The following CATSPERE variants were observed in gnomAD, a reference collection of about 807,000 sequenced individuals.
CATSPERE encodes cation channel sperm-associated auxiliary subunit epsilon.
Under a neutral mutation model 114.1 loss-of-function variants are expected in CATSPERE, and 93 were observed. That is an observed-to-expected ratio of 0.81 (90% CI 0.69 to 0.97). The LOEUF (loss-of-function observed/expected upper bound fraction) is 0.97. Among genes scored for constraint, CATSPERE ranks in the 50% least tolerant of loss-of-function variants. The probability of loss-of-function intolerance (pLI) is 0.00; values close to 1 mark genes in which losing one functional copy is unlikely to be tolerated. For missense variants in CATSPERE, 1,058 were observed against 1,131.6 expected, an observed-to-expected ratio of 0.93 and a Z score of 0.93; for synonymous variants, 341 against 384.1, an observed-to-expected ratio of 0.89 and a Z score of 1.31.
intron 20 of CATSPERE, among the ~76,000 whole-genome samples, chr1:244,625,162 A>C (rs1672938438): frequency 6.6e-6 from 1 of 151,768 alleles, no homozygotes; most frequent in Admixed American, 6.6e-5. Flanking sequence ...CATGGCAGCT[A>C]TAGCCTTATG....
At chr1:244,583,769 C>A in intron 12 of CATSPERE, 95 bp from the exon 13 acceptor site, 1 of 1,098,974 alleles carries the variant, frequency 9.1e-7, no homozygotes, top group Non-Finnish European at 1.3e-6. Flanking sequence ...GTCAATCACA[C>A]CGTGCACATG....
At chr1:244,512,366 C>T (rs1395434288) in intron 7 of CATSPERE, among the ~76,000 whole-genome samples, 1 of 152,114 alleles carries the variant, frequency 6.6e-6, no homozygotes, top group Non-Finnish European at 1.5e-5. Context: ...TTGAATTCTT[C>T]AGTTCCAAGA....
intron 19 of CATSPERE, among the ~76,000 whole-genome samples, chr1:244,616,203 C>T (rs1671378094): frequency 1.3e-5 from 2 of 152,070 alleles, no homozygotes; most frequent in Admixed American, 1.3e-4. Context: ...ACTGAGGATA[C>T]AGCAGTAAGC....
At chr1:244,484,677 T>C (rs941054703) in intron 5 of CATSPERE, among the ~76,000 whole-genome samples, 65 of 152,232 alleles carry the variant, frequency 4.3e-4, no homozygotes, top group Non-Finnish European at 7.9e-4. Flanking sequence ...ATCCTTCATA[T>C]TGGACATTTT....
chr1:244,622,528 C>T (rs1026253623), intron 20 of CATSPERE, among the ~76,000 whole-genome samples: 5 of 151,862 alleles, frequency 3.3e-5, no homozygotes, highest in African/African-American at 9.7e-5. Context: ...CTCAGCCTCC[C>T]GTGTAGCTGG....
intron 9 of CATSPERE, among the ~76,000 whole-genome samples, chr1:244,559,512 A>C (rs1662216412): frequency 6.6e-6 from 1 of 152,188 alleles, no homozygotes; most frequent in Non-Finnish European, 1.5e-5. Flanking sequence ...CAGTGGGGAG[A>C]GGAGGCAGAG....
intron 20 of CATSPERE, among the ~76,000 whole-genome samples, chr1:244,625,432 A>ATTTGTTTTTTT (rs1673049367): frequency 2.5e-4 from 1 of 3,976 alleles, no homozygotes; most frequent in African/African-American, 7.0e-4. Flanking sequence ...ATATATATAT[A>ATTTGTTTTTTT]TTTTTTTTTT....
At chr1:244,463,596 T>A (rs768664516) in intron 1 of CATSPERE, among the ~76,000 whole-genome samples, 1 of 151,964 alleles carries the variant, frequency 6.6e-6, no homozygotes, top group Non-Finnish European at 1.5e-5. Context: ...ACTTTAACTC[T>A]TTATAAGTGA....
At chr1:244,467,236 G>A (rs969380148) in intron 2 of CATSPERE, among the ~76,000 whole-genome samples, 1 of 152,084 alleles carries the variant, frequency 6.6e-6, no homozygotes, top group Admixed American at 6.6e-5. Context: ...AGATGGTTTT[G>A]TGTGGGAATT....
intron 2 of CATSPERE, among the ~76,000 whole-genome samples, chr1:244,473,026 G>T (rs1396312773): frequency 6.6e-6 from 1 of 152,192 alleles, no homozygotes; most frequent in Non-Finnish European, 1.5e-5. Flanking sequence ...TTCACCTAGT[G>T]AAAGATATCC....
At chr1:244,497,931 C>A (rs1286089853) in intron 6 of CATSPERE, among the ~76,000 whole-genome samples, 1 of 152,150 alleles carries the variant, frequency 6.6e-6, no homozygotes, top group African/African-American at 2.4e-5. Flanking sequence ...TCATACATCA[C>A]CACTGAGAGG....
intron 7 of CATSPERE, among the ~76,000 whole-genome samples, chr1:244,507,587 T>G (rs1422566842): frequency 6.6e-6 from 1 of 152,226 alleles, no homozygotes; most frequent in East Asian, 1.9e-4. Context: ...GCATTTCCTC[T>G]GTTTTCTTCT....
At chr1:244,616,710 T>A (rs1294990907) in intron 19 of CATSPERE, among the ~76,000 whole-genome samples, 6 of 152,188 alleles carry the variant, frequency 3.9e-5, no homozygotes, top group Non-Finnish European at 7.3e-5. Context: ...TGGGACCAAT[T>A]AGACCTCACT....
intron 11 of CATSPERE, among the ~76,000 whole-genome samples, chr1:244,574,458 T>A (rs928433196): frequency 6.6e-6 from 1 of 152,164 alleles, no homozygotes; most frequent in African/African-American, 2.4e-5. Flanking sequence ...ATTTATTCTT[T>A]AACAAGAAGG....
intron 8 of CATSPERE, among the ~76,000 whole-genome samples, chr1:244,536,116 G>A (rs993504910): frequency 2.0e-5 from 3 of 151,790 alleles, no homozygotes; most frequent in Admixed American, 2.0e-4. Flanking sequence ...TGCTGTGGCT[G>A]AGCTGATATC....
In CATSPERE at chr1:244,617,549, T is replaced by G. The variant is rs1222622188; in HGVS notation, c.2511T>G (p.Ser837=). ...TTCAGAACTATAAACACTGTTTTTC[T>G]TATGCTATTGGAAAACCAGGAGACT... ...WGPENYKHCF[S]YAIGKPGDLN... Residue 837 remains serine, a synonymous_variant, in exon 20 of 22, where the codon TCT becomes TCG. Coordinates refer to ENST00000366534, the MANE Select transcript of CATSPERE (RefSeq NM_001130957.2). 4 of 1,525,844 alleles carry G rather than the reference T, an allele frequency of 2.6e-6. No homozygotes were observed. In the Admixed American group the frequency reaches 6.9e-5, roughly 26 times the overall value. 94.5% of individuals were successfully genotyped at this position (1,525,844 alleles called of 1,614,324 possible). A position where few individuals can be genotyped will look rare whatever the true frequency, so the allele number is the denominator to read the frequency against.
At chr1:244,579,983 A>G (rs1048912802) in intron 11 of CATSPERE, among the ~76,000 whole-genome samples, 2 of 152,158 alleles carry the variant, frequency 1.3e-5, no homozygotes, top group Non-Finnish European at 2.9e-5. Context: ...ATTACTACAA[A>G]CACTACCACT....
At chr1:244,567,664 A>G (rs530162594) in intron 10 of CATSPERE, among the ~76,000 whole-genome samples, 1 of 151,764 alleles carries the variant, frequency 6.6e-6, no homozygotes, top group East Asian at 2.0e-4. Context: ...TATACTCCAC[A>G]AAGTTCTCGT....
In CATSPERE at chr1:244,467,511, A is replaced by G. The variant is rs147280130; in HGVS notation, c.114+3555A>G. 2.6e-3 allele frequency among the ~76,000 whole-genome samples: 396 copies of G among 152,344 alleles called. 3 individuals carry two copies. Among genetic ancestry groups the G allele is most frequent in the Middle Eastern group, 0.02 (6 of 294 alleles). On this transcript the variant is annotated intron_variant, in intron 2 of 21. Transcript: ENST00000366534. ...GCAGTAGGAACTCTAATACACCACTAGAAGGAATGCAGGTTGGTATAACCA... is the reference window on the plus strand; with the variant it reads ...GCAGTAGGAACTCTAATACACCACTGGAAGGAATGCAGGTTGGTATAACCA...
Sources: gnomAD v4.1 joint callset for allele counts (sites outside exome capture counted in the v4.1 genomes callset) on GRCh38, gnomAD v4.1.1 for gene constraint, MANE v1.5 for transcripts, NCBI Gene and HGNC (gene_info 2026-07-23, HGNC 2026-07-21) for gene names.